CCDC90B: variants seen among roughly 807,000 people sequenced by gnomAD.
The protein encoded by CCDC90B is coiled-coil domain-containing protein 90B, mitochondrial.
A neutral mutation model predicts 37.0 loss-of-function variants in CCDC90B; 24 were observed. The observed-to-expected ratio is 0.65, with a 90% confidence interval of 0.47 to 0.91. CCDC90B has a LOEUF of 0.91. Among genes scored for constraint, CCDC90B ranks in the 40% least tolerant of loss-of-function variants. The pLI is 0.00. For missense variants in CCDC90B, 319 were observed against 299.0 expected, an observed-to-expected ratio of 1.07 and a Z score of -0.49; for synonymous variants, 113 against 101.1, an observed-to-expected ratio of 1.12 and a Z score of -0.71.
At chr11:83,279,737 T>C (rs778507722) in intron 2 of CCDC90B, among the ~76,000 whole-genome samples, 4 of 152,198 alleles carry the variant, frequency 2.6e-5, no homozygotes, top group Non-Finnish European at 5.9e-5. Flanking sequence ...TGTCTCTTAA[T>C]ACCATTTTGT....
At position 83,274,103 on chromosome 11, in the gene CCDC90B, T is replaced by C. The variant is rs887959837; in HGVS notation, c.427-111A>G. 3 of 704,348 alleles carry C rather than the reference T, an allele frequency of 4.3e-6. No homozygotes were observed. In the African/African-American group the frequency reaches 6.5e-5, roughly 15 times the overall value. 43.6% of individuals were successfully genotyped at this position (704,348 alleles called of 1,614,324 possible). A position where few individuals can be genotyped will look rare whatever the true frequency, so the allele number is the denominator to read the frequency against. On this transcript the variant is annotated intron_variant, in intron 4 of 8. Transcript: ENST00000529689. ...ATTTGGACAATCTATGGATTTCTAA[T>C]ACAGAATTGATAAGGAAAAAAATCT...
In CCDC90B at chr11:83,260,660, AT is replaced by A. The variant is rs1442420931; in HGVS notation, c.*1250del. 6.6e-6 allele frequency: 1 copy of A among 152,236 alleles called. No homozygotes were observed. Among genetic ancestry groups the A allele is most frequent in the African/African-American group, 2.4e-5 (1 of 41,468 alleles). 9.4% of individuals were successfully genotyped at this position (152,236 alleles called of 1,614,324 possible). A position where few individuals can be genotyped will look rare whatever the true frequency, so the allele number is the denominator to read the frequency against. On this transcript the variant is annotated 3_prime_UTR_variant, in exon 9 of 9. Transcript: ENST00000529689. The stretch of plus-strand genomic sequence containing the variant: ...TTTGAATAATGATTGTCAAACTTTT[AT>A]AGCTATTACCAAGGCATTATGAACT...
chr11:83,282,548 G>A (rs903462570), intron 1 of CCDC90B, among the ~76,000 whole-genome samples: 2 of 152,166 alleles, frequency 1.3e-5, no homozygotes, highest in Non-Finnish European at 2.9e-5. Flanking sequence ...GGTGCAGCTC[G>A]TCTCATGTCC....
At chr11:83,278,939 G>T in intron 2 of CCDC90B, 110 bp from the exon 3 acceptor site, 1 of 603,940 alleles carries the variant, frequency 1.7e-6, no homozygotes. Flanking sequence ...TTTAAATAAT[G>T]GTTACAATTA....
Position 83,279,816 on chromosome 11 carries a change from C to CT in CCDC90B, c.220+324dup, listed in dbSNP as rs56805343. 4.1e-3 allele frequency among the ~76,000 whole-genome samples: 620 copies of CT among 150,780 alleles called. 3 individuals are homozygous for CT. Among genetic ancestry groups the CT allele is most frequent in the Non-Finnish European group, 6.9e-3 (465 of 67,594 alleles). Reference sequence around the variant, plus strand: ...TTTTGATATCAGGTAATTTTTTGTGCTTTTTTTTTATTTTTTAATCTCAAA... The same window carrying CT: ...TTTTGATATCAGGTAATTTTTTGTGCTTTTTTTTTTATTTTTTAATCTCAAA... On this transcript the variant is annotated intron_variant, in intron 2 of 8. Coordinates refer to ENST00000529689, the MANE Select transcript of CCDC90B (RefSeq NM_021825.5).
intron 2 of CCDC90B, among the ~76,000 whole-genome samples, chr11:83,279,816 CT>C (rs56805343): frequency 2.1e-4 from 31 of 150,776 alleles, no homozygotes; most frequent in African/African-American, 4.4e-4. Flanking sequence ...ATTTTTTGTG[CT>C]TTTTTTTTAT....
chr11:83,268,758 T>G (rs1262345646), intron 7 of CCDC90B, among the ~76,000 whole-genome samples: 2 of 152,112 alleles, frequency 1.3e-5, no homozygotes, highest in Non-Finnish European at 2.9e-5. Flanking sequence ...ACAAGCAGAC[T>G]TAATAGACAT....
intron 1 of CCDC90B, among the ~76,000 whole-genome samples, chr11:83,283,608 G>A (rs188363438): frequency 8.9e-4 from 136 of 152,306 alleles, no homozygotes; most frequent in African/African-American, 3.1e-3. Context: ...TCATAGTAGG[G>A]TGTCATAATC....
rs1452493092 is a variant in CCDC90B at position 83,286,333 on chromosome 11, T to C, written c.-361A>G. The C allele has an allele frequency of 1.3e-6, 1 of 774,618 alleles. No homozygotes were observed. Among genetic ancestry groups the C allele is most frequent in the Non-Finnish European group, 2.0e-6 (1 of 494,144 alleles). The allele number at this position is 774,618 out of a possible 1,614,324, so 48.0% of individuals were successfully genotyped here. A position where few individuals can be genotyped will look rare whatever the true frequency, so the allele number is the denominator to read the frequency against. Reference sequence around the variant, plus strand: ...CTCCCCCAAGATAGCCAGCGGCCATTACGCGCTTGGGTCGGGGGAGATGGA... The same window carrying C: ...CTCCCCCAAGATAGCCAGCGGCCATCACGCGCTTGGGTCGGGGGAGATGGA... On this transcript the variant is annotated 5_prime_UTR_variant, in exon 1 of 9. Coordinates refer to ENST00000529689, the MANE Select transcript of CCDC90B (RefSeq NM_021825.5).
At position 83,286,179 on chromosome 11, in the gene CCDC90B, G is replaced by C. The variant is rs1366433207; in HGVS notation, c.-207C>G. 1 of 1,534,638 alleles carries C rather than the reference G, an allele frequency of 6.5e-7. No individual in the cohort carries two copies. Among genetic ancestry groups the C allele is most frequent in the African/African-American group, 1.4e-5 (1 of 73,014 alleles). ...ACCCACAGTTCGCGAGCATGGCTCA[G>C]CGCTGCCCCGCTTCTCCCAGCGCCC... On this transcript the variant is annotated 5_prime_UTR_variant, in exon 1 of 9. Transcript: ENST00000529689.
intron 2 of CCDC90B, among the ~76,000 whole-genome samples, chr11:83,279,516 C>T (rs1343912863): frequency 2.6e-5 from 4 of 151,954 alleles, no homozygotes; most frequent in African/African-American, 7.3e-5. Flanking sequence ...TTTCTGTGTT[C>T]TGCTTGTTTA....
chr11:83,272,215 G>A (rs904033696), intron 7 of CCDC90B, among the ~76,000 whole-genome samples: 9 of 152,190 alleles, frequency 5.9e-5, no homozygotes, highest in South Asian at 2.1e-4. Flanking sequence ...AAACTTGCAC[G>A]TTGTGCACAT....
At chr11:83,271,902 T>C (rs919024162) in intron 7 of CCDC90B, among the ~76,000 whole-genome samples, 1 of 152,164 alleles carries the variant, frequency 6.6e-6, no homozygotes, top group Non-Finnish European at 1.5e-5. Flanking sequence ...TAAGAAAACA[T>C]GGCACATATA....
At chr11:83,274,481 T>G in intron 4 of CCDC90B, 158 bp downstream of exon 4, 1 of 474,724 alleles carries the variant, frequency 2.1e-6, no homozygotes, top group Non-Finnish European at 3.8e-6. Flanking sequence ...TAGAAAAAGA[T>G]TAGGTATGGT....
intron 8 of CCDC90B, 73 bp from the exon 9 acceptor site, chr11:83,262,039 A>C: frequency 1.0e-5 from 11 of 1,048,530 alleles, no homozygotes; most frequent in African/African-American, 1.7e-5. Context: ...GAATAATGTT[A>C]TCTTTAAGTG....
At position 83,273,715 on chromosome 11, in the gene CCDC90B, G is replaced by A; in HGVS notation, c.541-15C>T. The A allele has an allele frequency of 1.2e-6, 2 of 1,603,194 alleles. No homozygotes were observed. Among genetic ancestry groups the A allele is most frequent in the Non-Finnish European group, 1.7e-6 (2 of 1,176,634 alleles). ...TGATCTGTAAACTATAGGATATGAA[G>A]CAGCAGGAAGTTAAAAAAAAAGTCT... is the stretch of plus-strand genomic sequence containing the variant. On this transcript the variant is annotated splice_polypyrimidine_tract_variant and intron_variant, in intron 6 of 8. Transcript: ENST00000529689.
At chr11:83,270,632 C>T (rs554536026) in intron 7 of CCDC90B, among the ~76,000 whole-genome samples, 2 of 152,260 alleles carry the variant, frequency 1.3e-5, no homozygotes, top group East Asian at 1.9e-4. Context: ...CAAACCACTG[C>T]TCAGTGAAAT....
At chr11:83,271,860 C>G (rs1249770229) in intron 7 of CCDC90B, among the ~76,000 whole-genome samples, 2 of 152,152 alleles carry the variant, frequency 1.3e-5, no homozygotes, top group Admixed American at 6.5e-5. Flanking sequence ...GACTTGGAAC[C>G]AACCCAAATG....
At position 83,261,910 on chromosome 11, in the gene CCDC90B, A is replaced by G. The variant is rs951276934; in HGVS notation, c.*1T>C. On this transcript the variant is annotated 3_prime_UTR_variant, in exon 9 of 9. Transcript: ENST00000529689. ...CAGCCACAGCAGGATGAGCATTAAT[A>G]CTACTTCCAGAATCTATAAAATCCC... The G allele has an allele frequency of 6.2e-7, 1 of 1,601,590 alleles. No homozygotes were observed. The highest frequency in any genetic ancestry group is 1.3e-5 in the African/African-American group (1 of 74,318).
Sources: gnomAD v4.1 joint callset for allele counts (sites outside exome capture counted in the v4.1 genomes callset) on GRCh38, gnomAD v4.1.1 for gene constraint, MANE v1.5 for transcripts, NCBI Gene and HGNC (gene_info 2026-07-23, HGNC 2026-07-21) for gene names.